The following ZNF469 variants were observed in gnomAD, a reference collection of about 807,000 sequenced individuals.
ZNF469 encodes zinc finger protein 469.
In ZNF469, 1 loss-of-function variant was observed where a neutral mutation model predicts 1.0. The observed-to-expected ratio is 1.00, with a 90% CI of 0.35 to 4.73. ZNF469 has a LOEUF of 4.73. Among genes scored for constraint, ZNF469 ranks in the 30% most tolerant of loss-of-function variants. ZNF469 has a pLI of 0.16. For synonymous variants in ZNF469, 2,703 were observed against 2,363.4 expected, an observed-to-expected ratio of 1.14 and a Z score of -4.17; for missense variants, 6,100 against 5,356.3, an observed-to-expected ratio of 1.14 and a Z score of -4.33.
At chr16:88,101,205 C>T in the ZNF469 span, among the ~76,000 whole-genome samples, 4 of 152,248 alleles carry the variant, frequency 2.6e-5, no homozygotes, top group Non-Finnish European at 4.4e-5. Flanking sequence ...CCTTCAGGCT[C>T]GCAACCGAGG....
intron 1 of ZNF469, among the ~76,000 whole-genome samples, chr16:88,396,661 C>CCTGAAGGGAGGCCGGGTGGAGACCCGT (rs1904677862): frequency 7.2e-6 from 1 of 138,970 alleles, no homozygotes; most frequent in African/African-American, 2.7e-5. Flanking sequence ...CGGAGACCCT[C>CCTGAAGGGAGGCCGGGTGGAGACCCGT]CTGAAGGGAG....
the ZNF469 span, among the ~76,000 whole-genome samples, chr16:88,358,328 G>A: frequency 1.2e-4 from 19 of 152,338 alleles, no homozygotes; most frequent in East Asian, 7.7e-4. Flanking sequence ...CTTCCCACCC[G>A]GCCTCCAGGG....
intron 1 of ZNF469, among the ~76,000 whole-genome samples, chr16:88,394,618 C>T (rs561257142): frequency 7.2e-5 from 11 of 152,304 alleles, no homozygotes; most frequent in African/African-American, 2.6e-4. Context: ...CCTCCCCAGG[C>T]CAGGCCTGGC....
the ZNF469 span, among the ~76,000 whole-genome samples, chr16:88,241,641 C>T: frequency 6.6e-6 from 1 of 152,172 alleles, no homozygotes; most frequent in Non-Finnish European, 1.5e-5. The surrounding 1 kb of genome is among the most constrained non-coding windows in gnomAD (Gnocchi z 4.8). Context: ...GACATCCGGT[C>T]CCCACCCATC....
chr16:88,316,138 G>A, the ZNF469 span, among the ~76,000 whole-genome samples: 1 of 152,260 alleles, frequency 6.6e-6, no homozygotes, highest in African/African-American at 2.4e-5. Flanking sequence ...AAAGGCAGGA[G>A]CAGCTTCCCC....
At chr16:88,368,791 A>G in the ZNF469 span, among the ~76,000 whole-genome samples, 1 of 152,070 alleles carries the variant, frequency 6.6e-6, no homozygotes, top group Non-Finnish European at 1.5e-5. Flanking sequence ...GAGCTCCTTG[A>G]TCTCCTTCTC....
chr16:88,242,180 G>C, the ZNF469 span, among the ~76,000 whole-genome samples: 308 of 152,340 alleles, frequency 2.0e-3, 6 homozygotes, highest in African/African-American at 6.9e-3. Context: ...TAGTGGTCAA[G>C]GGTGAGGAGC....
chr16:88,328,046 G>A, the ZNF469 span, among the ~76,000 whole-genome samples: 79 of 152,300 alleles, frequency 5.2e-4, no homozygotes, highest in African/African-American at 1.8e-3. Context: ...CACACACGGC[G>A]ACTCCCACAG....
At chr16:88,399,232 C>G (rs886437946) in intron 1 of ZNF469, among the ~76,000 whole-genome samples, 2 of 152,246 alleles carry the variant, frequency 1.3e-5, no homozygotes, top group East Asian at 1.9e-4. Context: ...CCTCCCTCCC[C>G]TCTGCTCCCT....
At chr16:88,122,557 C>T in the ZNF469 span, among the ~76,000 whole-genome samples, 1 of 152,088 alleles carries the variant, frequency 6.6e-6, no homozygotes, top group African/African-American at 2.4e-5. Context: ...ACTCAGATGG[C>T]ACTCTGTCAC....
the ZNF469 span, among the ~76,000 whole-genome samples, chr16:88,229,606 TG>T: frequency 4.6e-5 from 3 of 65,854 alleles, no homozygotes; most frequent in Admixed American, 1.5e-4. Flanking sequence ...ATGTCACGCG[TG>T]TGTGCTGATG....
chr16:88,229,530 T>G, the ZNF469 span, among the ~76,000 whole-genome samples: 2 of 138,040 alleles, frequency 1.4e-5, no homozygotes, highest in Non-Finnish European at 3.1e-5. Context: ...GCGTGTGTGC[T>G]GATGTCACGC....
At chr16:88,366,827 C>T in the ZNF469 span, among the ~76,000 whole-genome samples, 2 of 151,242 alleles carry the variant, frequency 1.3e-5, no homozygotes, top group Non-Finnish European at 3.0e-5. Context: ...CCACCATCNC[C>T]ATAACCATCA....
At chr16:88,251,939 A>C in the ZNF469 span, among the ~76,000 whole-genome samples, 1 of 150,616 alleles carries the variant, frequency 6.6e-6, no homozygotes, top group Non-Finnish European at 1.5e-5. Flanking sequence ...GCAACGGGGC[A>C]GGCAGCCATG....
chr16:88,400,792 T>TGGGCA (rs1182560810), intron 1 of ZNF469, among the ~76,000 whole-genome samples: 17 of 151,926 alleles, frequency 1.1e-4, no homozygotes, highest in African/African-American at 3.9e-4. Context: ...CTGGATAAAA[T>TGGGCA]GGGCAGAATC....
the ZNF469 span, among the ~76,000 whole-genome samples, chr16:88,220,535 G>T: frequency 1.3e-5 from 2 of 152,188 alleles, no homozygotes; most frequent in Non-Finnish European, 2.9e-5. Flanking sequence ...TGAACCGGGT[G>T]CTCTCATCCA....
the ZNF469 span, among the ~76,000 whole-genome samples, chr16:88,249,592 A>G: frequency 1.3e-4 from 20 of 151,626 alleles, no homozygotes; most frequent in African/African-American, 4.6e-4. Flanking sequence ...GCCTGCCACC[A>G]CGCCGGGCCA....
At chr16:88,322,766 G>C in the ZNF469 span, among the ~76,000 whole-genome samples, 1 of 152,154 alleles carries the variant, frequency 6.6e-6, no homozygotes, top group Non-Finnish European at 1.5e-5. Context: ...GGCCCTCCCC[G>C]TGCCCACCCA....
intron 1 of ZNF469, among the ~76,000 whole-genome samples, chr16:88,415,941 A>G (rs1905290689): frequency 6.6e-6 from 1 of 152,212 alleles, no homozygotes; most frequent in Admixed American, 6.5e-5. Flanking sequence ...CTCGCTTCCC[A>G]GCGCTGCAGA....
Sources: allele counts gnomAD v4.1 joint callset (sites outside exome capture counted in the v4.1 genomes callset), GRCh38; gene constraint gnomAD v4.1.1; non-coding constraint Gnocchi (gnomAD v3.1); transcripts MANE v1.5; gene names NCBI Gene and HGNC (gene_info 2026-07-23, HGNC 2026-07-21).